ZNF529: variants seen among roughly 807,000 people sequenced by gnomAD.
ZNF529 encodes the protein zinc finger protein 529.
Under a neutral mutation model 10.1 loss-of-function variants are expected in ZNF529, and 11 were observed. The observed-to-expected ratio is 1.09, with a 90% confidence interval of 0.69 to 1.81. The LOEUF (loss-of-function observed/expected upper bound fraction) is 1.81. ZNF529 is among the 40% of genes most tolerant of loss of function. The pLI is 0.00. For missense variants in ZNF529, 624 were observed against 666.8 expected (o/e 0.94, Z 0.71); for synonymous variants, 204 against 215.7 (o/e 0.95, Z 0.47).
intron 2 of ZNF529, among the ~76,000 whole-genome samples, chr19:36,583,655 G>A (rs1470116789): frequency 2.0e-5 from 3 of 151,910 alleles, no homozygotes; most frequent in African/African-American, 7.2e-5. Context: ...ATGACAATAT[G>A]AAAGAATATG....
intron 2 of ZNF529, chr19:36,581,801 C>T (rs1420931192): frequency 1.9e-5 from 3 of 159,310 alleles, no homozygotes; most frequent in Non-Finnish European, 2.7e-5. Flanking sequence ...TGGCACTATG[C>T]TTCTTGTACA....
intron 1 of ZNF529, among the ~76,000 whole-genome samples, chr19:36,601,520 T>G (rs1284966510): frequency 6.6e-6 from 1 of 152,056 alleles, no homozygotes; most frequent in Non-Finnish European, 1.5e-5. Context: ...CCACTGCCCA[T>G]CACAATTAAC....
In ZNF529 at chr19:36,549,409, G is replaced by A. The variant is rs573104352; in HGVS notation, c.236-1087C>T. On this transcript the variant is annotated intron_variant, in intron 4 of 4. Coordinates refer to ENST00000591340, the MANE Select transcript of ZNF529 (RefSeq NM_020951.5). ...TTAGAGGAAAAGTAAATCACTGTAT[G>A]AATGAATCTAAATAAAAATAAAAGT... Among the ~76,000 whole-genome samples, 14 of 152,108 alleles carry A rather than the reference G, an allele frequency of 9.2e-5. No homozygotes were observed. In the East Asian group the frequency reaches 2.5e-3, roughly 27 times the overall value.
At chr19:36,548,684 A>G (rs1962939458) in intron 4 of ZNF529, among the ~76,000 whole-genome samples, 2 of 152,208 alleles carry the variant, frequency 1.3e-5, no homozygotes, top group South Asian at 2.1e-4. Context: ...TTCCTCCCCA[A>G]AAATAAATTT....
chr19:36,556,529 A>G (rs1434408397), intron 2 of ZNF529, among the ~76,000 whole-genome samples: 1 of 152,200 alleles, frequency 6.6e-6, no homozygotes, highest in African/African-American at 2.4e-5. Flanking sequence ...CAGCTGAAGA[A>G]TGAGGACTCC....
chr19:36,591,490 C>T (rs1000500302), intron 1 of ZNF529, among the ~76,000 whole-genome samples: 3 of 151,430 alleles, frequency 2.0e-5, no homozygotes, highest in Middle Eastern at 3.2e-3. Flanking sequence ...GAGGCCGAGG[C>T]GGGCGGATCA....
intron 2 of ZNF529, among the ~76,000 whole-genome samples, chr19:36,586,950 A>G (rs745713739): frequency 3.9e-5 from 6 of 152,166 alleles, no homozygotes; most frequent in Non-Finnish European, 8.8e-5. Context: ...GTTTACTTCT[A>G]TCAGCATAAA....
At chr19:36,590,097 G>T (rs2036671025) in intron 1 of ZNF529, among the ~76,000 whole-genome samples, 1 of 152,178 alleles carries the variant, frequency 6.6e-6, no homozygotes, top group African/African-American at 2.4e-5. Context: ...GGCCAGGCAT[G>T]GGGGCTCATA....
In ZNF529 at chr19:36,548,330, A is replaced by G. The variant is rs775659960; in HGVS notation, c.236-8T>C. On this transcript the variant is annotated splice_polypyrimidine_tract_variant and splice_region_variant and intron_variant, in intron 4 of 4. Coordinates refer to ENST00000591340, the MANE Select transcript of ZNF529 (RefSeq NM_020951.5). ...CATTCCTGGACTCCAAATCTGAAAG[A>G]AAGGAAAAAATAATTTTCATGTACT... 1.3e-5 allele frequency: 19 copies of G among 1,507,966 alleles called. No homozygotes were observed. Among genetic ancestry groups the G allele is most frequent in the Middle Eastern group, 1.7e-4 (1 of 5,746 alleles). 93.4% of individuals were successfully genotyped at this position (1,507,966 alleles called of 1,614,324 possible). A position where few individuals can be genotyped will look rare whatever the true frequency, so the allele number is the denominator to read the frequency against.
chr19:36,563,488 C>T (rs2035788964), intron 2 of ZNF529, among the ~76,000 whole-genome samples: 1 of 151,092 alleles, frequency 6.6e-6, no homozygotes, highest in South Asian at 2.1e-4. Flanking sequence ...GAGAGTAAGA[C>T]GATGGAAAAA....
upstream of ZNF529, chr19:36,574,670 G>A (rs1439765317): frequency 1.1e-5 from 4 of 367,834 alleles, no homozygotes; most frequent in South Asian, 2.1e-5. Context: ...TGTCAGTTCC[G>A]GAATTCCATA....
chr19:36,598,413 G>A (rs1424230753), intron 1 of ZNF529, among the ~76,000 whole-genome samples: 3 of 152,018 alleles, frequency 2.0e-5, no homozygotes, highest in Non-Finnish European at 4.4e-5. Flanking sequence ...TCAGGAGGCT[G>A]AGGTAGGAGG....
chr19:36,589,815 C>T (rs1456961856), intron 1 of ZNF529: 1 of 151,978 alleles, frequency 6.6e-6, no homozygotes, highest in African/African-American at 2.4e-5. Context: ...AATACATGTC[C>T]TTTTCAAGTG....
chr19:36,546,059 G>GTATATATATATATATATATA lies in ZNF529; in HGVS notation c.*806_*807insTATATATATATATATATATA, dbSNP rs375987417. On this transcript the variant is annotated 3_prime_UTR_variant, in exon 5 of 5. Coordinates refer to ENST00000591340, the MANE Select transcript of ZNF529 (RefSeq NM_020951.5). ...ATATACATATATTGTGTGTGTGTGTGTGTATATATATATATATATATAGTG... is the reference window on the plus strand; with the variant it reads ...ATATACATATATTGTGTGTGTGTGTGTATATATATATATATATATATGTATATATATATATATATATAGTG... The GTATATATATATATATATATA allele has an allele frequency of 9.2e-3, 1,147 of 124,910 alleles. 8 individuals carry two copies. The highest frequency in any genetic ancestry group is 0.03 in the East Asian group (130 of 4,350). 7.7% of individuals were successfully genotyped at this position (124,910 alleles called of 1,614,324 possible). A position where few individuals can be genotyped will look rare whatever the true frequency, so the allele number is the denominator to read the frequency against.
chr19:36,548,265 T>C lies in ZNF529; in HGVS notation c.293A>G (p.Asn98Ser). ...CATTACCTCCCACTGAGAACCAGTG[T>C]TTTGAATAATATCTTTTCCTACAGA... is the stretch of plus-strand genomic sequence containing the variant. ...HLSVGKDIIQNTGSQWEVMES... is the reference protein window; with the variant it reads ...HLSVGKDIIQSTGSQWEVMES... The change falls in exon 5 of 5, where the codon AAC (asparagine) becomes AGC (serine). Residue 98 changes from asparagine (N) to serine (S), a missense_variant. Transcript: ENST00000591340. The C allele has an allele frequency of 6.2e-7, 1 of 1,612,126 alleles. No homozygotes were observed. The highest frequency in any genetic ancestry group is 8.5e-7 in the Non-Finnish European group (1 of 1,178,978).
chr19:36,579,327 T>G (rs1374326333), intron 2 of ZNF529, among the ~76,000 whole-genome samples: 1 of 152,204 alleles, frequency 6.6e-6, no homozygotes, highest in South Asian at 2.1e-4. Context: ...TATCAGATAA[T>G]AGGCCTCAAA....
At chr19:36,576,240 A>T (rs2036314405), upstream of ZNF529, among the ~76,000 whole-genome samples, 1 of 152,194 alleles carries the variant, frequency 6.6e-6, no homozygotes, top group African/African-American at 2.4e-5. Context: ...AAATTATAAA[A>T]GCTATGGCTG....
At chr19:36,553,045 A>C (rs139516309) in intron 4 of ZNF529, among the ~76,000 whole-genome samples, 1 of 152,314 alleles carries the variant, frequency 6.6e-6, no homozygotes, top group Non-Finnish European at 1.5e-5. Flanking sequence ...GAAGTACCTA[A>C]ATACTCTCTG....
At position 36,545,902 on chromosome 19, in the gene ZNF529, G is replaced by C. The variant is rs1368885447; in HGVS notation, c.*964C>G. 1 of 151,690 alleles carries C rather than the reference G, an allele frequency of 6.6e-6. No individual in the cohort carries two copies. The highest frequency in any genetic ancestry group is 1.5e-5 in the Non-Finnish European group (1 of 67,942). The allele number at this position is 151,690 out of a possible 1,614,324, so 9.4% of individuals were successfully genotyped here. A position where few individuals can be genotyped will look rare whatever the true frequency, so the allele number is the denominator to read the frequency against. ...GTAGTTTTATCAAATATTTAAAAGA[G>C]TTCTCTTCATTTGGATCCTGGTTGG... is the stretch of plus-strand genomic sequence containing the variant. On this transcript the variant is annotated 3_prime_UTR_variant, in exon 5 of 5. Coordinates refer to ENST00000591340, the MANE Select transcript of ZNF529 (RefSeq NM_020951.5).
Sources: gnomAD v4.1 joint callset for allele counts (sites outside exome capture counted in the v4.1 genomes callset) on GRCh38, gnomAD v4.1.1 for gene constraint, MANE v1.5 for transcripts, NCBI Gene and HGNC (gene_info 2026-07-23, HGNC 2026-07-21) for gene names.